Variants in MYO15B observed in about 807,000 individuals in gnomAD.
MYO15B encodes the protein myosin XVB pseudogene.
In MYO15B, 207 loss-of-function variants were observed where a neutral mutation model predicts 119.3. The observed-to-expected ratio is 1.73, with a 90% CI of 1.55 to 1.95. MYO15B has a LOEUF of 1.95. MYO15B is among the 30% of genes most tolerant of loss of function. The pLI, the probability that MYO15B is intolerant of heterozygous loss-of-function variation, is 0.00. For missense variants in MYO15B, 2,264 were observed against 1,203.1 expected (o/e 1.88, Z -13.04); for synonymous variants, 966 against 498.9 (o/e 1.94, Z -12.48).
exon 5 of MYO15B, chr17:75,591,640 G>A (rs1042865347): frequency 3.4e-5 from 24 of 702,706 alleles, no homozygotes; most frequent in Middle Eastern, 4.6e-4. Context: ...CAGGGAAGAC[G>A]GAAGCCGCCA....
chr17:75,615,424 A>T lies in MYO15B; in HGVS notation c.5741-79A>T. The T allele has an allele frequency of 4.4e-6, 3 of 677,982 alleles. No homozygotes were observed. The South Asian group carries it at 4.7e-5, about 11-fold the overall frequency. 42.0% of individuals were successfully genotyped at this position (677,982 alleles called of 1,614,324 possible). On this transcript the variant is annotated intron_variant, in intron 34 of 63. Transcript: ENST00000645453. ...CTGGAGGAGGGAGGGTCCTGCTAGG[A>T]GTCCCGAGTGCACAGTGGGCAGCGA...
At chr17:75,588,924 A>G in exon 1 of MYO15B, 1 of 398,408 alleles carries the variant, frequency 2.5e-6, no homozygotes, top group Non-Finnish European at 4.4e-6. Context: ...GCGCCGAGCC[A>G]GAAACAATGC....
intron 14 of MYO15B, among the ~76,000 whole-genome samples, 182 bp downstream of exon 14, chr17:75,597,081 G>A (rs1195481118): frequency 1.3e-5 from 2 of 152,332 alleles, no homozygotes; most frequent in Non-Finnish European, 2.9e-5. Context: ...CTGGGCTCCC[G>A]CAGAGCTGGG....
At chr17:75,595,062 G>A (rs2056763286) in intron 12 of MYO15B, 90 bp downstream of exon 12, 2 of 663,814 alleles carry the variant, frequency 3.0e-6, no homozygotes, top group Admixed American at 4.3e-5. Flanking sequence ...TCTCCCTGGG[G>A]GCACTCGCGA....
chr17:75,611,471 A>C, intron 23 of MYO15B, 130 bp from the exon 24 acceptor site: 2 of 307,692 alleles, frequency 6.5e-6, no homozygotes, highest in Non-Finnish European at 1.2e-5. Context: ...CCTGCCTCAA[A>C]AAAAAAAAAA....
exon 26 of MYO15B, chr17:75,612,849 C>A: frequency 1.4e-6 from 1 of 702,838 alleles, no homozygotes; most frequent in African/African-American, 1.7e-5. Flanking sequence ...CCTAACCCAG[C>A]TGGATGGAGA....
exon 12 of MYO15B, chr17:75,594,955 G>A (rs2056755866): frequency 2.8e-6 from 2 of 702,954 alleles, no homozygotes. Context: ...CACTGTCGTG[G>A]ATGCCTACGG....
intron 21 of MYO15B, among the ~76,000 whole-genome samples, chr17:75,609,181 G>A (rs1381577145): frequency 6.6e-6 from 1 of 151,804 alleles, no homozygotes; most frequent in East Asian, 1.9e-4. Context: ...CCGACCAGTG[G>A]TGTTACTTTT....
At chr17:75,616,411 A>G in exon 38 of MYO15B, 1 of 625,246 alleles carries the variant, frequency 1.6e-6, no homozygotes, top group South Asian at 1.9e-5. Context: ...GAGGAGGAGG[A>G]GGAGCAGGAG....
At chr17:75,605,293 C>T (rs1305169046) in intron 19 of MYO15B, among the ~76,000 whole-genome samples, 5 of 151,922 alleles carry the variant, frequency 3.3e-5, no homozygotes, top group Admixed American at 6.6e-5. Flanking sequence ...AAAAATTAGC[C>T]GGGTGCGGTG....
Position 75,622,386 on chromosome 17 carries a change from G to C in MYO15B, c.8082+306G>C, listed in dbSNP as rs542595142. Among the ~76,000 whole-genome samples, 46 of 152,312 alleles carry C rather than the reference G, an allele frequency of 3.0e-4. 2 individuals carry two copies. Among genetic ancestry groups the C allele is most frequent in the African/African-American group, 1.1e-3 (46 of 41,564 alleles). On this transcript the variant is annotated intron_variant, in intron 53 of 63. Transcript: ENST00000645453. ...CAGGGAGGGAAGGAGTGAGCACGGGGTGACAGAGAAGGGCAGGCAACAGTT... is the reference window on the plus strand; with the variant it reads ...CAGGGAGGGAAGGAGTGAGCACGGGCTGACAGAGAAGGGCAGGCAACAGTT...
In MYO15B at chr17:75,596,781, G is replaced by A. The variant is rs185221462; in HGVS notation, c.3407G>A (p.Arg1136Gln). The change falls in exon 14 of 64, where the codon CGG becomes CAG. Residue 1136 changes from arginine to glutamine, a missense_variant. Physicochemically the swap from Arg to Gln is conservative, Grantham distance 43. Coordinates refer to ENST00000645453, the Ensembl canonical transcript of MYO15B. ...GGCTGTTCCCAGGAGGAGTGTCGGC[G>A]GGAGTTGCTGTCCTGGGTGCCTGTC... The A allele has an allele frequency of 2.0e-4, 143 of 699,838 alleles. No individual in the cohort carries two copies. In the African/African-American group the frequency reaches 2.3e-3, roughly 11 times the overall value. The allele number at this position is 699,838 out of a possible 1,614,324, so 43.4% of individuals were successfully genotyped here.
chr17:75,607,640 G>C (rs1335102137), intron 21 of MYO15B, among the ~76,000 whole-genome samples: 1 of 151,852 alleles, frequency 6.6e-6, no homozygotes, highest in Non-Finnish European at 1.5e-5. Context: ...CATATTTTCA[G>C]TAGAGACGGG....
intron 21 of MYO15B, among the ~76,000 whole-genome samples, chr17:75,608,688 G>A (rs1310985492): frequency 6.6e-6 from 1 of 152,016 alleles, no homozygotes; most frequent in African/African-American, 2.4e-5. Flanking sequence ...CTCTGGAGTA[G>A]CTGGGATTAC....
chr17:75,626,142 C>T (rs778069886), exon 63 of MYO15B: 38 of 702,986 alleles, frequency 5.4e-5, no homozygotes, highest in Admixed American at 1.0e-4. Context: ...CCTGCTAAGC[C>T]CTCTGGAGGA....
rs559103077 is a variant in MYO15B, at chr17:75,601,195, G to A, written c.3526-243G>A. Among the ~76,000 whole-genome samples, 40 of 152,046 alleles carry A rather than the reference G, an allele frequency of 2.6e-4. 1 individual carries two copies. The highest frequency in any genetic ancestry group is 9.2e-4 in the African/African-American group (38 of 41,458). On this transcript the variant is annotated intron_variant, in intron 14 of 63. Coordinates refer to ENST00000645453, the Ensembl canonical transcript of MYO15B. ...TGAGATTACATGCGTGAGCCACCGC[G>A]CCCAGCCCAATTTTTAAATTTTTTG...
intron 41 of MYO15B, 36 bp from the exon 42 acceptor site, chr17:75,617,774 C>T (rs1319918783): frequency 1.0e-5 from 7 of 687,820 alleles, no homozygotes; most frequent in African/African-American, 3.5e-5. Flanking sequence ...CTCTGCAGCC[C>T]CTCACTGAGG....
In MYO15B at chr17:75,589,321, A is replaced by G. The variant is rs867467178; in HGVS notation, c.1264A>G (p.Lys422Glu). ...GGGGCGGGGTCATGGGAGAGGAAGCAAGGGGCGGGGCCGCGGGAAAGCGGA... is the reference window on the plus strand; with the variant it reads ...GGGGCGGGGTCATGGGAGAGGAAGCGAGGGGCGGGGCCGCGGGAAAGCGGA... The change falls in exon 1 of 64, where the codon AAG becomes GAG. Residue 422 changes from lysine (K) to glutamate (E), a missense_variant. By Grantham distance (56) the Lys-to-Glu change is moderately conservative (BLOSUM62 1). Coordinates refer to ENST00000645453, the Ensembl canonical transcript of MYO15B. The surrounding 1 kb of genome is among the most constrained non-coding windows in gnomAD (Gnocchi z 4.2). 48 of 319,462 alleles carry G rather than the reference A, an allele frequency of 1.5e-4. No individual in the cohort carries two copies. The highest frequency in any genetic ancestry group is 5.1e-4 in the South Asian group (3 of 5,856). 19.8% of individuals were successfully genotyped at this position (319,462 alleles called of 1,614,324 possible).
Position 75,605,888 on chromosome 17 carries a change from C to T in MYO15B, c.4159C>T (p.Gln1387Ter). 1 of 699,890 alleles carries T rather than the reference C, an allele frequency of 1.4e-6. No individual in the cohort carries two copies. Among genetic ancestry groups the T allele is most frequent in the Non-Finnish European group, 2.6e-6 (1 of 382,910 alleles). 43.4% of individuals were successfully genotyped at this position (699,890 alleles called of 1,614,324 possible). ...GGTCCTGCTGCAGGAGCAGGGCTGG[C>T]AGCGGCTGGAGGAGCTCCGGGACCA... is the stretch of plus-strand genomic sequence containing the variant. Residue 1387 changes from glutamine to a stop codon, truncating the protein, a stop_gained, in exon 21 of 64, where the codon CAG becomes TAG. Transcript: ENST00000645453. LOFTEE classifies it high-confidence loss of function.
Sources: allele counts gnomAD v4.1 joint callset (sites outside exome capture counted in the v4.1 genomes callset), GRCh38; gene constraint gnomAD v4.1.1; non-coding constraint Gnocchi (gnomAD v3.1); transcripts MANE v1.5; gene names NCBI Gene and HGNC (gene_info 2026-07-23, HGNC 2026-07-21).